Variants in ZNF560 observed in about 807,000 individuals in gnomAD.
The protein encoded by ZNF560 is zinc finger protein 560.
ZNF560 carries 54 observed loss-of-function variants against 81.8 expected under a neutral mutation model. That is an observed-to-expected ratio of 0.66 (90% confidence interval 0.53 to 0.83). The LOEUF (loss-of-function observed/expected upper bound fraction) is 0.83, where lower values mean the gene tolerates loss of function less well. ZNF560 is among the 40% of genes least tolerant of loss of function. The pLI, the probability that ZNF560 is intolerant of heterozygous loss-of-function variation, is 0.00. For synonymous variants in ZNF560, 321 were observed against 317.9 expected (o/e 1.01, Z -0.10); for missense variants, 940 against 932.4 (o/e 1.01, Z -0.11).
upstream of ZNF560, among the ~76,000 whole-genome samples, chr19:9,500,281 A>T (rs541026295): frequency 6.0e-5 from 9 of 150,682 alleles, no homozygotes; most frequent in South Asian, 1.9e-3. Context: ...GCTACTCGGG[A>T]GGCTGAGGCA....
At chr19:9,478,978 C>T (rs1452614756) in intron 2 of ZNF560, among the ~76,000 whole-genome samples, 1 of 152,024 alleles carries the variant, frequency 6.6e-6, no homozygotes, top group African/African-American at 2.4e-5. Context: ...TAGCCATGGC[C>T]AACATGGCGA....
At chr19:9,465,995 A>AAAAC (rs758928039), downstream of ZNF560, among the ~76,000 whole-genome samples, 2 of 151,790 alleles carry the variant, frequency 1.3e-5, no homozygotes, top group African/African-American at 4.8e-5. Flanking sequence ...CTTCATCTCA[A>AAAAC]AAACAAACAA....
At chr19:9,469,938 T>G (rs2073095667) in intron 7 of ZNF560, 1 of 501,614 alleles carries the variant, frequency 2.0e-6, no homozygotes, top group Non-Finnish European at 3.5e-6. Context: ...AGCAGTGAGC[T>G]GCACTTTTTC....
At chr19:9,454,316 ACT>A in the ZNF560 span, among the ~76,000 whole-genome samples, 5 of 151,886 alleles carry the variant, frequency 3.3e-5, no homozygotes, top group Admixed American at 3.3e-4. Flanking sequence ...CCCACATTGC[ACT>A]CTCTTTTTGT....
the ZNF560 span, among the ~76,000 whole-genome samples, chr19:9,459,954 C>G: frequency 1.3e-5 from 2 of 151,848 alleles, no homozygotes; most frequent in Admixed American, 6.6e-5. Flanking sequence ...TTATGTCAGA[C>G]AAGCAGGCCC....
chr19:9,493,662 T>C lies in ZNF560; in HGVS notation c.-57+4466A>G, dbSNP rs138262135. ...TTAGCCACCACACCCAGCCCCAGGTTTTCTCTTTGATTGTTACGTATACAT... is the reference window on the plus strand; with the variant it reads ...TTAGCCACCACACCCAGCCCCAGGTCTTCTCTTTGATTGTTACGTATACAT... On this transcript the variant is annotated intron_variant, in intron 2 of 9. Coordinates refer to ENST00000301480, the MANE Select transcript of ZNF560 (RefSeq NM_152476.3). Among the ~76,000 whole-genome samples, 85 of 152,232 alleles carry C rather than the reference T, an allele frequency of 5.6e-4. 1 individual carries two copies. The highest frequency in any genetic ancestry group is 1.9e-3 in the African/African-American group (81 of 41,562).
Position 9,467,451 on chromosome 19 carries a change from G to C in ZNF560, c.1496C>G (p.Ser499Cys), listed in dbSNP as rs1194881166. 1.2e-6 allele frequency: 2 copies of C among 1,613,796 alleles called. No individual in the cohort carries two copies. Among genetic ancestry groups the C allele is most frequent in the African/African-American group, 2.7e-5 (2 of 74,926 alleles). ...DCDQCGKVFVSFSSLFAHLRT... is the reference protein window; with the variant it reads ...DCDQCGKVFVCFSSLFAHLRT... ...CAAATGAGCAAAAAGAGATGAGAAAGAAACAAAGACTTTCCCACACTGGTC... is the reference window on the plus strand; with the variant it reads ...CAAATGAGCAAAAAGAGATGAGAAACAAACAAAGACTTTCCCACACTGGTC... Residue 499 changes from serine to cysteine, a missense_variant, in exon 10 of 10, where the codon TCT becomes TGT. Physicochemically the swap from Ser to Cys is moderately radical, Grantham distance 112 (BLOSUM62 -1). Transcript: ENST00000301480.
the ZNF560 span, among the ~76,000 whole-genome samples, chr19:9,447,133 C>CAAAAAAAAAAA: frequency 1.2e-5 from 1 of 80,860 alleles, no homozygotes; most frequent in African/African-American, 3.8e-5. Context: ...GACTCCGTCA[C>CAAAAAAAAAAA]AAAAAAAAAA....
intron 2 of ZNF560, among the ~76,000 whole-genome samples, chr19:9,483,991 C>A (rs1037342431): frequency 2.0e-5 from 3 of 152,034 alleles, no homozygotes; most frequent in Admixed American, 2.0e-4. Context: ...TGTGACCTTA[C>A]CCCCAACCCG....
intron 2 of ZNF560, among the ~76,000 whole-genome samples, chr19:9,486,752 A>G (rs2073390390): frequency 7.2e-6 from 1 of 138,492 alleles, no homozygotes; most frequent in Non-Finnish European, 1.5e-5. Context: ...AAAAAAAAAG[A>G]AGAAAAGAAA....
chr19:9,462,385 G>A (rs772430730), downstream of ZNF560, among the ~76,000 whole-genome samples: 1 of 152,210 alleles, frequency 6.6e-6, no homozygotes, highest in Non-Finnish European at 1.5e-5. Flanking sequence ...CTGTCCCTTT[G>A]TTCTCCTTAA....
chr19:9,456,064 G>C, the ZNF560 span, among the ~76,000 whole-genome samples: 1 of 152,130 alleles, frequency 6.6e-6, no homozygotes, highest in South Asian at 2.1e-4. Flanking sequence ...ACCCGATTTC[G>C]AGAAACGCCA....
At chr19:9,462,271 C>G (rs555413829), downstream of ZNF560, among the ~76,000 whole-genome samples, 7 of 152,340 alleles carry the variant, frequency 4.6e-5, no homozygotes, top group African/African-American at 1.7e-4. Flanking sequence ...ACACCTGGCC[C>G]ACCCAGGGCG....
At chr19:9,480,038 A>G (rs1032377799) in intron 2 of ZNF560, among the ~76,000 whole-genome samples, 1 of 152,194 alleles carries the variant, frequency 6.6e-6, no homozygotes, top group East Asian at 1.9e-4. Context: ...AGACTTTAAT[A>G]CCCTACTTTG....
At chr19:9,497,309 A>G (rs192459630) in intron 2 of ZNF560, among the ~76,000 whole-genome samples, 6 of 152,196 alleles carry the variant, frequency 3.9e-5, no homozygotes, top group African/African-American at 1.2e-4. Flanking sequence ...TGAGTCAGGC[A>G]TTACCCACTA....
chr19:9,468,002 ACT>A lies in ZNF560; in HGVS notation c.943_944del (p.Ser315TrpfsTer6). On this transcript the variant is annotated frameshift_variant, in exon 10 of 10. Coordinates refer to ENST00000301480, the MANE Select transcript of ZNF560 (RefSeq NM_152476.3). LOFTEE classifies it high-confidence loss of function. ...SYLEAHRKTQ[S>X]GEKLNEWKQC... Reference sequence around the variant, plus strand: ...GCTTCCATTCATTGAGTTTTTCTCCACTCTGAGTTTTCCTGTGTGCTTCAAGG... The same window carrying A: ...GCTTCCATTCATTGAGTTTTTCTCCACTGAGTTTTCCTGTGTGCTTCAAGG... 2 of 1,613,968 alleles carry A rather than the reference ACT, an allele frequency of 1.2e-6. No homozygotes were observed. The highest frequency in any genetic ancestry group is 1.7e-6 in the Non-Finnish European group (2 of 1,180,004).
intron 6 of ZNF560, 100 bp from the exon 7 acceptor site, chr19:9,470,618 A>G: frequency 1.3e-6 from 2 of 1,548,834 alleles, no homozygotes; most frequent in Non-Finnish European, 8.9e-7. Context: ...CAGGGTACTG[A>G]GTGCTCCCAC....
chr19:9,485,784 C>A (rs1432361119), intron 2 of ZNF560, among the ~76,000 whole-genome samples: 2 of 152,118 alleles, frequency 1.3e-5, no homozygotes, highest in African/African-American at 2.4e-5. Context: ...GATCCTCCCG[C>A]TTCTATCTCC....
intron 2 of ZNF560, among the ~76,000 whole-genome samples, chr19:9,476,612 G>A (rs961748258): frequency 2.2e-4 from 33 of 152,120 alleles, no homozygotes; most frequent in African/African-American, 8.0e-4. Flanking sequence ...TTATAAGTAT[G>A]TGGCATTTCC....
Sources: allele counts gnomAD v4.1 joint callset (sites outside exome capture counted in the v4.1 genomes callset), GRCh38; gene constraint gnomAD v4.1.1; transcripts MANE v1.5; gene names NCBI Gene and HGNC (gene_info 2026-07-23, HGNC 2026-07-21).